The following LCN10 variants were observed in gnomAD, a reference collection of about 807,000 sequenced individuals.
LCN10 encodes epididymal-specific lipocalin-10.
Under a neutral mutation model 25.1 loss-of-function variants are expected in LCN10, and 18 were observed. That is an observed-to-expected ratio of 0.72 (90% CI 0.50 to 1.06). LCN10 has a LOEUF of 1.06. Among genes scored for constraint, LCN10 ranks in the 50% least tolerant of loss-of-function variants. The pLI is 0.00. For missense variants in LCN10, 257 were observed against 258.9 expected (o/e 0.99, Z 0.05); for synonymous variants, 130 against 116.7 (o/e 1.11, Z -0.73).
At position 136,740,606 on chromosome 9, in the gene LCN10, G is replaced by C. The variant is rs930102876; in HGVS notation, c.475+230C>G. The C allele has an allele frequency of 1.5e-5, 8 of 547,760 alleles. No individual in the cohort carries two copies. Among genetic ancestry groups the C allele is most frequent in the South Asian group, 2.6e-5 (1 of 38,248 alleles). The allele number at this position is 547,760 out of a possible 1,614,324, so 33.9% of individuals were successfully genotyped here. A position where few individuals can be genotyped will look rare whatever the true frequency, so the allele number is the denominator to read the frequency against. ...CTGGTGGCCTCCGCTCCCCCTGGAT[G>C]GCCCACCTTTCTCTGCAGCCTCTTC... is the stretch of plus-strand genomic sequence containing the variant. On this transcript the variant is annotated intron_variant, in intron 4 of 5. Transcript: ENST00000497771. The surrounding 1 kb of genome is among the most constrained non-coding windows in gnomAD (Gnocchi z 5.3).
In LCN10 at chr9:136,742,002, T is replaced by A. The variant is rs777763241; in HGVS notation, c.136A>T (p.Ile46Phe). 24 of 1,612,822 alleles carry A rather than the reference T, an allele frequency of 1.5e-5. No individual in the cohort carries two copies. The East Asian group carries it at 5.1e-4, about 34-fold the overall frequency. The change falls in exon 2 of 6, where the codon ATT becomes TTT. Residue 46 changes from isoleucine (I) to phenylalanine (F), a missense_variant. Physicochemically the swap from Ile to Phe is conservative, Grantham distance 21. Coordinates refer to ENST00000497771, the MANE Select transcript of LCN10 (RefSeq NM_001001712.3). Reference sequence around the variant, plus strand: ...TGGGCATCAGTGGCAGTGGCCAGAATGTACCAGAACCCTGAAAACTGCGCA... The same window carrying A: ...TGGGCATCAGTGGCAGTGGCCAGAAAGTACCAGAACCCTGAAAACTGCGCA... ...NWNKFSGFWYILATATDAQGF... is the reference protein window; with the variant it reads ...NWNKFSGFWYFLATATDAQGF...
rs1846964674 is a variant in LCN10, at chr9:136,742,655, GC to G, written c.117+131del. 10 of 1,144,588 alleles carry G rather than the reference GC, an allele frequency of 8.7e-6. No homozygotes were observed. In the East Asian group the frequency reaches 2.6e-4, roughly 30 times the overall value. The allele number at this position is 1,144,588 out of a possible 1,614,324, so 70.9% of individuals were successfully genotyped here. ...TGTGCTGGAGGCTGCAGTGGGAGAG[GC>G]CAGGTGGGCAGCGCCCGTGCCTGGA... On this transcript the variant is annotated intron_variant, in intron 1 of 5. Coordinates refer to ENST00000497771, the MANE Select transcript of LCN10 (RefSeq NM_001001712.3).
chr9:136,742,362 G>C, intron 1 of LCN10: 1 of 410,324 alleles, frequency 2.4e-6, no homozygotes, highest in Admixed American at 4.0e-5. Flanking sequence ...GCCGGCCCCC[G>C]GCCCCCAACT....
rs771587262 is a variant in LCN10, at chr9:136,740,794, C to T, written c.475+42G>A. On this transcript the variant is annotated intron_variant, in intron 4 of 5. Coordinates refer to ENST00000497771, the MANE Select transcript of LCN10 (RefSeq NM_001001712.3). This position sits in a 1 kb window ranked among gnomAD's most constrained non-coding sequence, Gnocchi z 5.3. Reference sequence around the variant, plus strand: ...CAGCGCCCCTCTATGCCTCCCTCTGCACCCCCTCCACCATCCTCTGCCATC... The same window carrying T: ...CAGCGCCCCTCTATGCCTCCCTCTGTACCCCCTCCACCATCCTCTGCCATC... 15 of 1,526,112 alleles carry T rather than the reference C, an allele frequency of 9.8e-6. No homozygotes were observed. Among genetic ancestry groups the T allele is most frequent in the East Asian group, 4.5e-5 (2 of 44,080 alleles). 94.5% of individuals were successfully genotyped at this position (1,526,112 alleles called of 1,614,324 possible). A position where few individuals can be genotyped will look rare whatever the true frequency, so the allele number is the denominator to read the frequency against.
Position 136,740,634 on chromosome 9 carries a change from G to C in LCN10, c.475+202C>G. On this transcript the variant is annotated intron_variant, in intron 4 of 5. Coordinates refer to ENST00000497771, the MANE Select transcript of LCN10 (RefSeq NM_001001712.3). The surrounding 1 kb of genome is among the most constrained non-coding windows in gnomAD (Gnocchi z 5.3). Reference sequence around the variant, plus strand: ...CCACCTTTCTCTGCAGCCTCTTCCTGACGTCCCCTATCCTTGCTTCAGCGA... The same window carrying C: ...CCACCTTTCTCTGCAGCCTCTTCCTCACGTCCCCTATCCTTGCTTCAGCGA... The C allele has an allele frequency of 1.8e-6, 1 of 560,840 alleles. No homozygotes were observed. Among genetic ancestry groups the C allele is most frequent in the South Asian group, 2.5e-5 (1 of 40,708 alleles). The allele number at this position is 560,840 out of a possible 1,614,324, so 34.7% of individuals were successfully genotyped here. A position where few individuals can be genotyped will look rare whatever the true frequency, so the allele number is the denominator to read the frequency against.
Position 136,740,817 on chromosome 9 carries a change from A to G in LCN10, c.475+19T>C, listed in dbSNP as rs1448045469. 4 of 1,592,564 alleles carry G rather than the reference A, an allele frequency of 2.5e-6. No homozygotes were observed. Reference sequence around the variant, plus strand: ...TGCACCCCCTCCACCATCCTCTGCCATCCGCTGTGCCTGCTCACGGAAGAG... The same window carrying G: ...TGCACCCCCTCCACCATCCTCTGCCGTCCGCTGTGCCTGCTCACGGAAGAG... On this transcript the variant is annotated intron_variant, in intron 4 of 5. Coordinates refer to ENST00000497771, the MANE Select transcript of LCN10 (RefSeq NM_001001712.3). The surrounding 1 kb of genome is among the most constrained non-coding windows in gnomAD (Gnocchi z 5.3).
chr9:136,741,964 C>T lies in LCN10; in HGVS notation c.174G>A (p.Pro58=), dbSNP rs763572779. 14 of 1,612,410 alleles carry T rather than the reference C, an allele frequency of 8.7e-6. No individual in the cohort carries two copies. The highest frequency in any genetic ancestry group is 4.4e-5 in the South Asian group (4 of 90,692). ...ATATDAQGFL[P]ARDKRKLGAS... ...CCCCCAGCTTCCTCTTGTCCCTGGC[C>T]GGCAAGAATCCCTGGGCATCAGTGG... Residue 58 remains proline, a synonymous_variant, in exon 2 of 6, where the codon CCG becomes CCA. Coordinates refer to ENST00000497771, the MANE Select transcript of LCN10 (RefSeq NM_001001712.3).
chr9:136,742,293 C>T (rs1846953990), intron 1 of LCN10: 1 of 488,800 alleles, frequency 2.0e-6, no homozygotes, highest in African/African-American at 2.0e-5. Context: ...CTCAGAGGCC[C>T]CGGCTCCTTC....
chr9:136,740,414 T>C lies in LCN10; in HGVS notation c.476-366A>G. On this transcript the variant is annotated intron_variant, in intron 4 of 5. Coordinates refer to ENST00000497771, the MANE Select transcript of LCN10 (RefSeq NM_001001712.3). The surrounding 1 kb of genome is among the most constrained non-coding windows in gnomAD (Gnocchi z 5.3). ...ACCGGGAGGGCCACTCCTTTCCGTG[T>C]ACCCCAAGTGGTTGGTGTCTAGAAT... is the stretch of plus-strand genomic sequence containing the variant. 2.3e-6 allele frequency: 1 copy of C among 428,736 alleles called. No individual in the cohort carries two copies. Among genetic ancestry groups the C allele is most frequent in the Non-Finnish European group, 4.4e-6 (1 of 229,690 alleles). The allele number at this position is 428,736 out of a possible 1,614,324, so 26.6% of individuals were successfully genotyped here.
In LCN10 at chr9:136,739,556, G is replaced by A; in HGVS notation, c.575-3C>T. On this transcript the variant is annotated splice_region_variant and splice_polypyrimidine_tract_variant and intron_variant, in intron 5 of 5. Coordinates refer to ENST00000497771, the MANE Select transcript of LCN10 (RefSeq NM_001001712.3). This position sits in a 1 kb window ranked among gnomAD's most constrained non-coding sequence, Gnocchi z 6.1. ...CAGGATGGTGTGTGTACGGGACGCT[G>A]TGGGAGAGGAAAACAGCCACATGTG... is the stretch of plus-strand genomic sequence containing the variant. The A allele has an allele frequency of 1.2e-6, 2 of 1,600,256 alleles. No homozygotes were observed. Among genetic ancestry groups the A allele is most frequent in the Non-Finnish European group, 1.7e-6 (2 of 1,174,164 alleles).
Position 136,738,922 on chromosome 9 carries a change from G to A in LCN10, c.*603C>T, listed in dbSNP as rs1846874659. Reference sequence around the variant, plus strand: ...TGTTGTGGGGCCCTGGCCGCGCCTAGATACACTTCTAGGGTCTATACTCGA... The same window carrying A: ...TGTTGTGGGGCCCTGGCCGCGCCTAAATACACTTCTAGGGTCTATACTCGA... On this transcript the variant is annotated 3_prime_UTR_variant, in exon 6 of 6. Transcript: ENST00000497771. The A allele has an allele frequency of 6.5e-6, 1 of 153,686 alleles. No individual in the cohort carries two copies. Among genetic ancestry groups the A allele is most frequent in the Non-Finnish European group, 1.4e-5 (1 of 69,038 alleles). The allele number at this position is 153,686 out of a possible 1,614,324, so 9.5% of individuals were successfully genotyped here.
At chr9:136,742,346 C>G (rs1846955543) in intron 1 of LCN10, 1 of 416,368 alleles carries the variant, frequency 2.4e-6, no homozygotes, top group African/African-American at 2.0e-5. Flanking sequence ...GGCCACTTCC[C>G]TTCCTGCCGG....
chr9:136,741,020 G>T, intron 3 of LCN10, 77 bp from the exon 4 acceptor site: 1 of 1,322,092 alleles, frequency 7.6e-7, no homozygotes. Flanking sequence ...GACCCCTGGT[G>T]CCCGAGGCCT....
In LCN10 at chr9:136,740,906, G is replaced by T. The variant is rs931715436; in HGVS notation, c.405C>A (p.Asp135Glu). 14 of 1,613,728 alleles carry T rather than the reference G, an allele frequency of 8.7e-6. No homozygotes were observed. Among genetic ancestry groups the T allele is most frequent in the Non-Finnish European group, 1.2e-5 (14 of 1,179,850 alleles). ...GGAGGTAGACCAAGCCGTAGCTGTA[G>T]TCAGTGGACAGCACGTGGAAGGCCT... ...GVKAFHVLST[D>E]YSYGLVYLRL... The change falls in exon 4 of 6, where the codon GAC (aspartate) becomes GAA (glutamate). Residue 135 changes from aspartate (D) to glutamate (E), a missense_variant. Transcript: ENST00000497771. The surrounding 1 kb of genome is among the most constrained non-coding windows in gnomAD (Gnocchi z 5.3).
intron 2 of LCN10, chr9:136,741,586 A>G (rs1438113157): frequency 1.7e-6 from 1 of 605,064 alleles, no homozygotes; most frequent in Non-Finnish European, 2.9e-6. Flanking sequence ...GTCCCACGGC[A>G]CGAGAGAAAC....
intron 2 of LCN10, 72 bp downstream of exon 2, chr9:136,741,809 C>G: frequency 1.3e-6 from 2 of 1,515,360 alleles, no homozygotes; most frequent in Non-Finnish European, 1.8e-6. Flanking sequence ...CTCCCAGACT[C>G]CTTTCCAGCC....
chr9:136,739,984 C>A lies in LCN10; in HGVS notation c.540G>T (p.Gly180=). ...GGAGGATGACGGCGGCCTTGGAGAGCCCCAGAATGTCACAAGCGTCCATGA... is the reference window on the plus strand; with the variant it reads ...GGAGGATGACGGCGGCCTTGGAGAGACCCAGAATGTCACAAGCGTCCATGA... ...KEFMDACDIL[G]LSKAAVILPK... Residue 180 remains glycine, a synonymous_variant, in exon 5 of 6, where the codon GGG becomes GGT. Coordinates refer to ENST00000497771, the MANE Select transcript of LCN10 (RefSeq NM_001001712.3). The surrounding 1 kb of genome is among the most constrained non-coding windows in gnomAD (Gnocchi z 6.1). 1 of 1,592,794 alleles carries A rather than the reference C, an allele frequency of 6.3e-7. No homozygotes were observed. Among genetic ancestry groups the A allele is most frequent in the Non-Finnish European group, 8.6e-7 (1 of 1,169,524 alleles).
Position 136,739,865 on chromosome 9 carries a change from C to T in LCN10, c.574+85G>A. 9.0e-7 allele frequency: 1 copy of T among 1,113,716 alleles called. No homozygotes were observed. The highest frequency in any genetic ancestry group is 1.3e-6 in the Non-Finnish European group (1 of 747,674). The allele number at this position is 1,113,716 out of a possible 1,614,324, so 69.0% of individuals were successfully genotyped here. A position where few individuals can be genotyped will look rare whatever the true frequency, so the allele number is the denominator to read the frequency against. On this transcript the variant is annotated intron_variant, in intron 5 of 5. Coordinates refer to ENST00000497771, the MANE Select transcript of LCN10 (RefSeq NM_001001712.3). This position sits in a 1 kb window ranked among gnomAD's most constrained non-coding sequence, Gnocchi z 6.1. ...ATGGCACCTTTCAAATGGATCCTTT[C>T]ATCTCTCCTTCCCCCAATGAATCAG...
Position 136,739,860 on chromosome 9 carries a change from C to G in LCN10, c.574+90G>C, listed in dbSNP as rs911042484. ...TTCAAATGGCACCTTTCAAATGGAT[C>G]CTTTCATCTCTCCTTCCCCCAATGA... On this transcript the variant is annotated intron_variant, in intron 5 of 5. Transcript: ENST00000497771. The surrounding 1 kb of genome is among the most constrained non-coding windows in gnomAD (Gnocchi z 6.1). 2 of 1,070,586 alleles carry G rather than the reference C, an allele frequency of 1.9e-6. No homozygotes were observed. The highest frequency in any genetic ancestry group is 1.6e-5 in the African/African-American group (1 of 63,744). 66.3% of individuals were successfully genotyped at this position (1,070,586 alleles called of 1,614,324 possible). A position where few individuals can be genotyped will look rare whatever the true frequency, so the allele number is the denominator to read the frequency against.
Sources: allele counts gnomAD v4.1 joint callset, GRCh38; gene constraint gnomAD v4.1.1; non-coding constraint Gnocchi (gnomAD v3.1); transcripts MANE v1.5; gene names NCBI Gene and HGNC (gene_info 2026-07-23, HGNC 2026-07-21).